Variants in MYO3B observed in about 807,000 individuals in gnomAD.
MYO3B encodes myosin IIIB, also known as myosin-IIIb.
A neutral mutation model predicts 174.6 loss-of-function variants in MYO3B; 156 were observed. That is an observed-to-expected ratio of 0.89 (90% CI 0.78 to 1.02). The LOEUF (loss-of-function observed/expected upper bound fraction) is 1.02, where lower values mean the gene tolerates loss of function less well. Ranked by LOEUF, MYO3B falls within the 50% of genes least tolerant of loss-of-function variation. The pLI, the probability that MYO3B is intolerant of heterozygous loss-of-function variation, is 0.00. For missense variants in MYO3B, 1,632 were observed against 1,639.4 expected (o/e 1.00, Z 0.08); for synonymous variants, 563 against 569.1 (o/e 0.99, Z 0.15).
At position 170,501,795 on chromosome 2, in the gene MYO3B, A is replaced by G. The variant is rs375091845; in HGVS notation, c.3300A>G (p.Gly1100=). Residue 1100 remains glycine (G), a synonymous_variant, in exon 28 of 35, where the codon GGA becomes GGG. Coordinates refer to ENST00000408978, the MANE Select transcript of MYO3B (RefSeq NM_138995.5). The stretch of plus-strand genomic sequence containing the variant: ...GTTTTATATTTTTAGCCTGGAGAGG[A>G]TATGATGCTCGGAGGAAATTTAAGA... ...GAIAIQSAWR[G]YDARRKFKKI... 6.2e-7 allele frequency: 1 copy of G among 1,609,514 alleles called. No individual in the cohort carries two copies. Among genetic ancestry groups the G allele is most frequent in the Non-Finnish European group, 8.5e-7 (1 of 1,175,860 alleles).
chr2:170,399,845 C>T (rs143967479), intron 16 of MYO3B, among the ~76,000 whole-genome samples: 15 of 152,188 alleles, frequency 9.9e-5, no homozygotes, highest in Non-Finnish European at 1.9e-4. Flanking sequence ...AGAGCAACTC[C>T]GTTTATGCAA....
chr2:170,401,375 G>A (rs1319597102), intron 17 of MYO3B, 106 bp from the exon 18 acceptor site: 5 of 1,022,928 alleles, frequency 4.9e-6, no homozygotes, highest in Non-Finnish European at 7.3e-6. Flanking sequence ...TGAGTCAAAA[G>A]TACCCAAATG....
chr2:170,360,407 CA>C (rs2094152198), intron 8 of MYO3B, among the ~76,000 whole-genome samples: 1 of 152,096 alleles, frequency 6.6e-6, no homozygotes, highest in Non-Finnish European at 1.5e-5. Context: ...TTGAAAATGC[CA>C]AAGCTCTTTG....
intron 22 of MYO3B, among the ~76,000 whole-genome samples, chr2:170,422,249 C>CTGGAGTACAG (rs1558985923): frequency 2.0e-5 from 3 of 152,148 alleles, no homozygotes; most frequent in African/African-American, 7.2e-5. Flanking sequence ...GTTGCCAAGG[C>CTGGAGTACAG]TGGAGTACAG....
chr2:170,198,696 C>G (rs2092627650), intron 1 of MYO3B, among the ~76,000 whole-genome samples: 1 of 152,114 alleles, frequency 6.6e-6, no homozygotes. Context: ...TCTTTTCACT[C>G]AAGTTATCTA....
intron 7 of MYO3B, among the ~76,000 whole-genome samples, chr2:170,305,311 GTGATTAAA>G (rs2093693796): frequency 6.6e-6 from 1 of 151,974 alleles, no homozygotes; most frequent in South Asian, 2.1e-4. Context: ...ATTCTGTTCT[GTGATTAAA>G]ATAGTACTAT....
At chr2:170,577,509 G>A (rs188563713) in intron 32 of MYO3B, among the ~76,000 whole-genome samples, 47 of 152,218 alleles carry the variant, frequency 3.1e-4, no homozygotes, top group East Asian at 2.5e-3. Context: ...TACCTTGCAC[G>A]TGAAATCTGT....
chr2:170,342,641 AAAT>A (rs551190478), intron 8 of MYO3B, among the ~76,000 whole-genome samples: 2 of 152,292 alleles, frequency 1.3e-5, no homozygotes, highest in South Asian at 4.1e-4. Flanking sequence ...AGCACTTGAC[AAAT>A]AATAATAATA....
intron 32 of MYO3B, among the ~76,000 whole-genome samples, chr2:170,560,183 C>G (rs1691611911): frequency 6.6e-6 from 1 of 152,208 alleles, no homozygotes; most frequent in African/African-American, 2.4e-5. Context: ...GAGTGCGCTA[C>G]AATTTCTAAA....
intron 22 of MYO3B, among the ~76,000 whole-genome samples, chr2:170,415,898 A>G (rs984792360): frequency 1.3e-5 from 2 of 151,974 alleles, no homozygotes; most frequent in Non-Finnish European, 2.9e-5. Flanking sequence ...CATCTTTTCA[A>G]TTATTTCTTA....
At chr2:170,285,101 A>C (rs2093544684) in intron 7 of MYO3B, among the ~76,000 whole-genome samples, 1 of 152,178 alleles carries the variant, frequency 6.6e-6, no homozygotes, top group Non-Finnish European at 1.5e-5. Context: ...TACTTTATCT[A>C]TTAATAGCTA....
chr2:170,598,921 A>G (rs959500851), intron 32 of MYO3B, among the ~76,000 whole-genome samples: 1 of 152,196 alleles, frequency 6.6e-6, no homozygotes, highest in Non-Finnish European at 1.5e-5. Context: ...TTGTAATTCT[A>G]ATTACAATTA....
chr2:170,183,046 A>C (rs1009910964), intron 1 of MYO3B, among the ~76,000 whole-genome samples: 2 of 152,062 alleles, frequency 1.3e-5, no homozygotes, highest in African/African-American at 4.8e-5. Context: ...GCCTGAGCTC[A>C]GGAGTTCAAG....
At position 170,646,185 on chromosome 2, in the gene MYO3B, C is replaced by T. The variant is rs541289097; in HGVS notation, c.3734-5443C>T. 2.0e-5 allele frequency among the ~76,000 whole-genome samples: 3 copies of T among 151,648 alleles called. No homozygotes were observed. In the South Asian group the frequency reaches 6.3e-4, roughly 32 times the overall value. ...ACTAGGGAGGCTGAGGAAGGAGAAT[C>T]GCTTGAACCTGGGAGGCGGAGGTTG... On this transcript the variant is annotated intron_variant, in intron 32 of 34. Transcript: ENST00000408978.
chr2:170,461,966 A>G (rs1446120430), intron 23 of MYO3B, among the ~76,000 whole-genome samples: 1 of 152,228 alleles, frequency 6.6e-6, no homozygotes, highest in Non-Finnish European at 1.5e-5. Context: ...ATTTGCCCCA[A>G]ACCTCACCAG....
chr2:170,625,125 A>G (rs1696295977), intron 32 of MYO3B, among the ~76,000 whole-genome samples: 2 of 152,212 alleles, frequency 1.3e-5, no homozygotes, highest in Admixed American at 1.3e-4. Context: ...TGATTGGAAT[A>G]GTTTCAGAAG....
intron 7 of MYO3B, among the ~76,000 whole-genome samples, chr2:170,331,295 A>G (rs535898126): frequency 9.8e-5 from 15 of 152,316 alleles, no homozygotes; most frequent in African/African-American, 3.6e-4. Context: ...AAGAATTTTG[A>G]GGAAGAAAAC....
chr2:170,269,194 C>T (rs1364849281), intron 7 of MYO3B, among the ~76,000 whole-genome samples: 1 of 152,158 alleles, frequency 6.6e-6, no homozygotes, highest in East Asian at 1.9e-4. Flanking sequence ...TTTCATATGA[C>T]AATGCCCCCA....
At chr2:170,629,185 T>C (rs1027536505) in intron 32 of MYO3B, among the ~76,000 whole-genome samples, 4 of 152,184 alleles carry the variant, frequency 2.6e-5, no homozygotes, top group African/African-American at 7.2e-5. Context: ...AAGTTTAGGA[T>C]TGGATGATTT....
Sources: allele counts gnomAD v4.1 joint callset (sites outside exome capture counted in the v4.1 genomes callset), GRCh38; gene constraint gnomAD v4.1.1; transcripts MANE v1.5; gene names NCBI Gene and HGNC (gene_info 2026-07-23, HGNC 2026-07-21).